Variants in DDX10 observed in about 807,000 individuals in gnomAD.
DDX10 encodes probable ATP-dependent RNA helicase DDX10.
A neutral mutation model predicts 104.3 loss-of-function variants in DDX10; 74 were observed. The ratio of observed to expected loss-of-function variants is 0.71; its 90% CI spans 0.59 to 0.86. The LOEUF is 0.86. Among genes scored for constraint, DDX10 ranks in the 40% least tolerant of loss-of-function variants. The pLI is 0.00. For synonymous variants in DDX10, 351 were observed against 353.4 expected (o/e 0.99, Z 0.08); for missense variants, 952 against 1,040.0 (o/e 0.92, Z 1.16).
chr11:108,720,446 A>C (rs907047672), intron 12 of DDX10, among the ~76,000 whole-genome samples: 3 of 152,108 alleles, frequency 2.0e-5, no homozygotes, highest in Non-Finnish European at 2.9e-5. Flanking sequence ...TGTTTTCTTC[A>C]ATTGCTTACT....
At chr11:108,852,083 G>A (rs1223146584) in intron 15 of DDX10, 70 bp from the exon 16 acceptor site, 2 of 1,213,230 alleles carry the variant, frequency 1.6e-6, no homozygotes, top group Non-Finnish European at 2.3e-6. Flanking sequence ...AAATAAAACT[G>A]TAATGAATGT....
intron 10 of DDX10, among the ~76,000 whole-genome samples, chr11:108,710,992 T>G (rs964704280): frequency 6.6e-6 from 1 of 152,184 alleles, no homozygotes; most frequent in African/African-American, 2.4e-5. Flanking sequence ...CTTGAACTCC[T>G]GAGCTCAAGC....
At chr11:108,831,421 CA>C (rs779264219) in intron 13 of DDX10, among the ~76,000 whole-genome samples, 10,844 of 69,404 alleles carry the variant, frequency 0.16, 179 homozygotes, top group East Asian at 0.25. Context: ...GAGACTGTCT[CA>C]AAAAAAAAAA....
At chr11:108,737,563 A>C (rs1455103136) in intron 13 of DDX10, among the ~76,000 whole-genome samples, 1 of 152,244 alleles carries the variant, frequency 6.6e-6, no homozygotes, top group Non-Finnish European at 1.5e-5. Context: ...AAAGTGCCTT[A>C]GTAAACTGGG....
At chr11:108,853,746 A>G (rs1175605977) in intron 16 of DDX10, among the ~76,000 whole-genome samples, 1 of 152,190 alleles carries the variant, frequency 6.6e-6, no homozygotes, top group Admixed American at 6.5e-5. Flanking sequence ...TCCTTATGCC[A>G]AACTCTTCCT....
chr11:108,819,732 G>A (rs1053994006), intron 13 of DDX10, among the ~76,000 whole-genome samples: 39 of 152,004 alleles, frequency 2.6e-4, no homozygotes, highest in Admixed American at 2.0e-3. Context: ...CCAAGTAGCT[G>A]GGATTACAGG....
intron 13 of DDX10, among the ~76,000 whole-genome samples, chr11:108,782,280 CT>C (rs2094379185): frequency 6.6e-6 from 1 of 152,132 alleles, no homozygotes; most frequent in African/African-American, 2.4e-5. Flanking sequence ...ATGGAGGACC[CT>C]GTATTCTTCA....
Position 108,665,106 on chromosome 11 carries a change from G to GGT in DDX10, c.-45_-44dup. 1 of 1,555,744 alleles carries GGT rather than the reference G, an allele frequency of 6.4e-7. No homozygotes were observed. The highest frequency in any genetic ancestry group is 8.7e-7 in the Non-Finnish European group (1 of 1,155,842). On this transcript the variant is annotated 5_prime_UTR_variant, in exon 1 of 18. Transcript: ENST00000322536. ...TGCTGGTTCCGTGAGTCTGGCCTTA[G>GGT]GTGTCTCGTGTCTGGGGTTGATCCG...
intron 13 of DDX10, among the ~76,000 whole-genome samples, chr11:108,828,311 C>G (rs112139624): frequency 2.5e-4 from 38 of 152,210 alleles, no homozygotes; most frequent in African/African-American, 8.9e-4. Flanking sequence ...ATCCCCAACC[C>G]TTTCCCCCGA....
At chr11:108,840,665 A>G (rs1862624808) in intron 14 of DDX10, among the ~76,000 whole-genome samples, 1 of 152,210 alleles carries the variant, frequency 6.6e-6, no homozygotes, top group South Asian at 2.1e-4. Flanking sequence ...TGTGGATTTG[A>G]GCAAGCCTGT....
At chr11:108,759,346 G>A (rs969824496) in intron 13 of DDX10, among the ~76,000 whole-genome samples, 1 of 151,968 alleles carries the variant, frequency 6.6e-6, no homozygotes, top group African/African-American at 2.4e-5. Flanking sequence ...TTTATGGGAT[G>A]GATGATAGTT....
intron 17 of DDX10, chr11:108,922,361 G>A (rs562253539): frequency 6.6e-6 from 1 of 152,226 alleles, no homozygotes; most frequent in African/African-American, 2.4e-5. Flanking sequence ...GAAGCTATTA[G>A]TTCCAACCTA....
intron 17 of DDX10, among the ~76,000 whole-genome samples, chr11:108,924,007 A>C (rs781616475): frequency 6.6e-6 from 1 of 152,152 alleles, no homozygotes; most frequent in Non-Finnish European, 1.5e-5. Context: ...GATTCTGAGC[A>C]TATAAGATTA....
chr11:108,720,238 G>C (rs1305460984), intron 12 of DDX10, among the ~76,000 whole-genome samples: 1 of 152,222 alleles, frequency 6.6e-6, no homozygotes, highest in East Asian at 1.9e-4. Flanking sequence ...TTTATTATTT[G>C]TAAGTATAAA....
intron 13 of DDX10, among the ~76,000 whole-genome samples, chr11:108,769,365 T>G (rs1476387877): frequency 6.6e-6 from 1 of 152,124 alleles, no homozygotes; most frequent in Non-Finnish European, 1.5e-5. Flanking sequence ...ATTTATGGTT[T>G]TAACCCAAGC....
chr11:108,875,088 G>C (rs1863134091), intron 16 of DDX10, among the ~76,000 whole-genome samples: 1 of 152,118 alleles, frequency 6.6e-6, no homozygotes, highest in Non-Finnish European at 1.5e-5. Context: ...GAGCCAGGAA[G>C]AGGTTTTGCC....
intron 15 of DDX10, among the ~76,000 whole-genome samples, chr11:108,847,848 A>T (rs1195006376): frequency 1.3e-5 from 2 of 152,224 alleles, no homozygotes; most frequent in African/African-American, 4.8e-5. Context: ...ATTTTTACAG[A>T]TTACAAAACT....
chr11:108,797,561 TAA>T (rs917780088), intron 13 of DDX10, among the ~76,000 whole-genome samples: 7 of 152,336 alleles, frequency 4.6e-5, no homozygotes, highest in African/African-American at 1.7e-4. Flanking sequence ...CTCTATTTAG[TAA>T]AGAGGGCTTA....
At chr11:108,925,953 T>C (rs1248303165) in intron 17 of DDX10, among the ~76,000 whole-genome samples, 1 of 152,140 alleles carries the variant, frequency 6.6e-6, no homozygotes, top group African/African-American at 2.4e-5. Flanking sequence ...AACTCCATTT[T>C]GTCAGATAGC....
Sources: allele counts gnomAD v4.1 joint callset (sites outside exome capture counted in the v4.1 genomes callset), GRCh38; gene constraint gnomAD v4.1.1; transcripts MANE v1.5; gene names NCBI Gene and HGNC (gene_info 2026-07-23, HGNC 2026-07-21).